RANBP2: variants seen among roughly 807,000 people sequenced by gnomAD.
RANBP2 encodes E3 SUMO-protein ligase RanBP2.
RANBP2 carries 57 observed loss-of-function variants against 303.6 expected under a neutral mutation model. The observed-to-expected ratio is 0.19, with a 90% CI of 0.15 to 0.23. RANBP2 has a LOEUF of 0.23. RANBP2 is among the 10% of genes least tolerant of loss of function. The probability of loss-of-function intolerance (pLI) is 1.00; values close to 1 mark genes in which losing one functional copy is unlikely to be tolerated. For missense variants in RANBP2, 3,138 were observed against 3,780.8 expected, an observed-to-expected ratio of 0.83 and a Z score of 4.46; for synonymous variants, 1,167 against 1,301.5, an observed-to-expected ratio of 0.90 and a Z score of 2.23.
the RANBP2 span, among the ~76,000 whole-genome samples, chr2:109,159,961 A>T: frequency 6.6e-6 from 1 of 152,342 alleles, no homozygotes; most frequent in East Asian, 1.9e-4. Context: ...CAATGTAATA[A>T]TAATAGAAAT....
chr2:109,046,347 G>A, the RANBP2 span, among the ~76,000 whole-genome samples: 5 of 148,680 alleles, frequency 3.4e-5, no homozygotes, highest in African/African-American at 1.2e-4. Context: ...TTTGGTTTTG[G>A]TGGTGAGATC....
intron 20 of RANBP2, among the ~76,000 whole-genome samples, chr2:108,769,029 G>C (rs1677309136): frequency 6.8e-6 from 1 of 147,226 alleles, no homozygotes; most frequent in African/African-American, 2.5e-5. Context: ...CTGAGACTTT[G>C]TCTCCAAAAA....
At chr2:108,759,606 T>A (rs1376042401) in intron 18 of RANBP2, among the ~76,000 whole-genome samples, 1 of 152,208 alleles carries the variant, frequency 6.6e-6, no homozygotes, top group African/African-American at 2.4e-5. Context: ...TGTGATAGTA[T>A]CTTCTCAACA....
the RANBP2 span, among the ~76,000 whole-genome samples, chr2:109,263,263 T>C: frequency 1.3e-5 from 2 of 152,262 alleles, no homozygotes; most frequent in African/African-American, 4.8e-5. Flanking sequence ...GTTTAAATTA[T>C]TATCTGTGGT....
At chr2:109,009,762 G>T in the RANBP2 span, among the ~76,000 whole-genome samples, 7 of 147,316 alleles carry the variant, frequency 4.8e-5, no homozygotes, top group African/African-American at 1.8e-4. Flanking sequence ...ACCCAGGCTG[G>T]TCTCAAAGTC....
At chr2:109,388,859 G>A in the RANBP2 span, among the ~76,000 whole-genome samples, 34 of 152,272 alleles carry the variant, frequency 2.2e-4, no homozygotes, top group South Asian at 7.0e-3. Flanking sequence ...TATAGAGACG[G>A]GAGGGAAGGA....
the RANBP2 span, chr2:109,564,519 T>G: frequency 6.6e-7 from 1 of 1,517,608 alleles, no homozygotes; most frequent in Non-Finnish European, 8.9e-7. Context: ...AAAGTCACAG[T>G]GGTTTTCATT....
the RANBP2 span, among the ~76,000 whole-genome samples, chr2:109,365,004 T>C: frequency 6.6e-6 from 1 of 152,146 alleles, no homozygotes; most frequent in Admixed American, 6.5e-5. Flanking sequence ...GGCAGAAGGA[T>C]CGTGAGACTC....
the RANBP2 span, among the ~76,000 whole-genome samples, chr2:109,605,239 T>C: frequency 6.6e-6 from 1 of 152,212 alleles, no homozygotes. Context: ...ACTAGTATGA[T>C]CAGGCAGATC....
the RANBP2 span, among the ~76,000 whole-genome samples, chr2:109,185,657 G>A: frequency 1.3e-5 from 2 of 152,108 alleles, no homozygotes; most frequent in Non-Finnish European, 2.9e-5. Flanking sequence ...AGACACTCCT[G>A]GTTCACCTTA....
At chr2:109,091,013 T>C in the RANBP2 span, among the ~76,000 whole-genome samples, 7 of 152,276 alleles carry the variant, frequency 4.6e-5, no homozygotes, top group African/African-American at 1.4e-4. Context: ...CATGGACCTT[T>C]TGCATTAATT....
chr2:109,172,641 G>C, the RANBP2 span, among the ~76,000 whole-genome samples: 1 of 152,198 alleles, frequency 6.6e-6, no homozygotes, highest in Non-Finnish European at 1.5e-5. Context: ...GGAGCCCATA[G>C]CAGGAAGCAA....
At chr2:109,352,804 G>A in the RANBP2 span, among the ~76,000 whole-genome samples, 1 of 152,240 alleles carries the variant, frequency 6.6e-6, no homozygotes, top group Non-Finnish European at 1.5e-5. Flanking sequence ...GCAGAGGGGA[G>A]CAGAGCACCC....
chr2:109,044,046 A>G, the RANBP2 span, among the ~76,000 whole-genome samples: 6 of 152,324 alleles, frequency 3.9e-5, no homozygotes, highest in South Asian at 1.2e-3. Context: ...AATAAAAGGC[A>G]TAATCAAAAG....
chr2:109,326,134 G>A, the RANBP2 span, among the ~76,000 whole-genome samples: 1 of 152,274 alleles, frequency 6.6e-6, no homozygotes, highest in East Asian at 1.9e-4. Flanking sequence ...GGTCTACATT[G>A]TTTATTTGAT....
the RANBP2 span, among the ~76,000 whole-genome samples, chr2:109,380,926 T>C: frequency 6.6e-6 from 1 of 152,254 alleles, no homozygotes; most frequent in Non-Finnish European, 1.5e-5. Context: ...GCACTCAGCC[T>C]TGCCAGAAAG....
At chr2:109,342,589 G>A in the RANBP2 span, among the ~76,000 whole-genome samples, 1 of 152,172 alleles carries the variant, frequency 6.6e-6, no homozygotes, top group African/African-American at 2.4e-5. Flanking sequence ...TTGCTGGGAG[G>A]TCTGGAATAG....
At chr2:109,458,466 T>C in the RANBP2 span, among the ~76,000 whole-genome samples, 1 of 152,098 alleles carries the variant, frequency 6.6e-6, no homozygotes, top group Admixed American at 6.6e-5. Flanking sequence ...GTTTATTTAG[T>C]GTGAAAATGG....
rs544153262 is a variant in RANBP2, at chr2:108,761,149, T to C, written c.2603-952T>C. Among the ~76,000 whole-genome samples the C allele has an allele frequency of 5.3e-5, 8 of 149,604 alleles. No homozygotes were observed. In the East Asian group the frequency reaches 1.5e-3, roughly 29 times the overall value. On this transcript the variant is annotated intron_variant, in intron 18 of 28. Transcript: ENST00000283195. Reference sequence around the variant, plus strand: ...ATTTTATTTTTTCTTTTTGCTTTCATGCAGACAGACATCTTGCAAGACTTT... The same window carrying C: ...ATTTTATTTTTTCTTTTTGCTTTCACGCAGACAGACATCTTGCAAGACTTT...
Sources: allele counts gnomAD v4.1 joint callset (sites outside exome capture counted in the v4.1 genomes callset), GRCh38; gene constraint gnomAD v4.1.1; transcripts MANE v1.5; gene names NCBI Gene and HGNC (gene_info 2026-07-23, HGNC 2026-07-21).